Variants in PHF21A observed in about 807,000 individuals in gnomAD.
PHF21A encodes PHD finger protein 21A.
In PHF21A, 11 loss-of-function variants were observed where a neutral mutation model predicts 82.5. The observed-to-expected ratio is 0.13, with a 90% confidence interval of 0.08 to 0.22. The LOEUF (loss-of-function observed/expected upper bound fraction) is 0.22. PHF21A is among the 10% of genes least tolerant of loss of function. The probability of loss-of-function intolerance (pLI) is 1.00; values close to 1 mark genes in which losing one functional copy is unlikely to be tolerated. For synonymous variants in PHF21A, 297 were observed against 302.8 expected, an observed-to-expected ratio of 0.98 and a Z score of 0.20; for missense variants, 579 against 837.8, an observed-to-expected ratio of 0.69 and a Z score of 3.81.
intron 6 of PHF21A, among the ~76,000 whole-genome samples, chr11:46,058,695 T>G (rs2096492802): frequency 6.6e-6 from 1 of 152,220 alleles, no homozygotes; most frequent in Non-Finnish European, 1.5e-5. Context: ...CAGAACTCTT[T>G]TCTCTGACAG....
chr11:46,098,209 ATAAATAAATGGAAG>A (rs2097029425), intron 1 of PHF21A, among the ~76,000 whole-genome samples: 1 of 152,246 alleles, frequency 6.6e-6, no homozygotes, highest in Non-Finnish European at 1.5e-5. Context: ...TAGACTGTAC[ATAAATAAATGGAAG>A]TAATAAAAAT....
intron 6 of PHF21A, among the ~76,000 whole-genome samples, chr11:46,059,205 G>A (rs945316679): frequency 1.3e-5 from 2 of 152,004 alleles, no homozygotes; most frequent in Non-Finnish European, 2.9e-5. Flanking sequence ...TGCAGAGCTA[G>A]GCATACAACA....
Position 46,003,576 on chromosome 11 carries a change from G to A in PHF21A, c.154-23610C>T, listed in dbSNP as rs138180002. 3.9e-5 allele frequency among the ~76,000 whole-genome samples: 6 copies of A among 152,200 alleles called. No individual in the cohort carries two copies. The East Asian group carries it at 1.2e-3, about 29-fold the overall frequency. On this transcript the variant is annotated intron_variant, in intron 6 of 18. Coordinates refer to ENST00000676320, the MANE Select transcript of PHF21A (RefSeq NM_001352027.3). Reference sequence around the variant, plus strand: ...ATAATGATGATGACATTTTCACGAAGGGCAGAGTGAGAAAACGCTACAATT... The same window carrying A: ...ATAATGATGATGACATTTTCACGAAAGGCAGAGTGAGAAAACGCTACAATT...
intron 6 of PHF21A, among the ~76,000 whole-genome samples, chr11:46,028,083 TGGGGA>T (rs1337536850): frequency 1.3e-5 from 2 of 151,714 alleles, no homozygotes; most frequent in Non-Finnish European, 2.9e-5. Context: ...TGGAAATCTC[TGGGGA>T]CAATTTTTTT....
chr11:46,076,456 C>G (rs1309701944), intron 6 of PHF21A, among the ~76,000 whole-genome samples: 1 of 152,182 alleles, frequency 6.6e-6, no homozygotes, highest in Non-Finnish European at 1.5e-5. Flanking sequence ...TTCTCACTAA[C>G]TGCCTTTACC....
chr11:45,960,773 G>A (rs1183992331), intron 10 of PHF21A, among the ~76,000 whole-genome samples: 1 of 152,212 alleles, frequency 6.6e-6, no homozygotes, highest in Non-Finnish European at 1.5e-5. Flanking sequence ...TTTGGTCTCT[G>A]AGATTATAAA....
chr11:46,056,224 T>C (rs1027605038), intron 6 of PHF21A, among the ~76,000 whole-genome samples: 9 of 152,174 alleles, frequency 5.9e-5, no homozygotes, highest in African/African-American at 2.2e-4. Flanking sequence ...AATTTAGCAA[T>C]TTTGTTTTCA....
intron 6 of PHF21A, among the ~76,000 whole-genome samples, chr11:46,009,684 A>T (rs1187377320): frequency 2.0e-5 from 3 of 152,252 alleles, no homozygotes; most frequent in Non-Finnish European, 4.4e-5. Flanking sequence ...AGCAAATAGC[A>T]GAGCCAGAGC....
chr11:46,001,209 T>C (rs1435901324), intron 6 of PHF21A, among the ~76,000 whole-genome samples: 1 of 151,796 alleles, frequency 6.6e-6, no homozygotes, highest in Non-Finnish European at 1.5e-5. Context: ...AAGCCATGTA[T>C]GGTTCTGGTA....
At chr11:46,007,038 C>T (rs1367289808) in intron 6 of PHF21A, among the ~76,000 whole-genome samples, 1 of 152,190 alleles carries the variant, frequency 6.6e-6, no homozygotes, top group East Asian at 1.9e-4. Context: ...CCTGCAAGCT[C>T]GTTTTACAGG....
At chr11:45,943,779 G>C (rs2090820314) in intron 15 of PHF21A, among the ~76,000 whole-genome samples, 1 of 152,108 alleles carries the variant, frequency 6.6e-6, no homozygotes, top group African/African-American at 2.4e-5. Flanking sequence ...ACTATCTTAG[G>C]AGATGAAAGT....
At chr11:46,024,805 A>C (rs1760061482) in intron 6 of PHF21A, among the ~76,000 whole-genome samples, 1 of 152,108 alleles carries the variant, frequency 6.6e-6, no homozygotes, top group Non-Finnish European at 1.5e-5. Flanking sequence ...ATCTCAAAAA[A>C]AAGAAAGAAA....
At chr11:46,011,505 T>G (rs2095413567) in intron 6 of PHF21A, among the ~76,000 whole-genome samples, 1 of 151,556 alleles carries the variant, frequency 6.6e-6, no homozygotes, top group African/African-American at 2.4e-5. Flanking sequence ...AAAAAAAAAG[T>G]GTTCAATGAA....
intron 6 of PHF21A, among the ~76,000 whole-genome samples, chr11:46,038,073 T>C (rs1302821113): frequency 6.6e-6 from 1 of 152,170 alleles, no homozygotes; most frequent in Admixed American, 6.5e-5. Context: ...GCCCATTTTG[T>C]TATCTGCCTC....
Position 45,950,273 on chromosome 11 carries a change from A to G in PHF21A, c.1096-16T>C. 1 of 1,609,830 alleles carries G rather than the reference A, an allele frequency of 6.2e-7. No homozygotes were observed. The highest frequency in any genetic ancestry group is 8.5e-7 in the Non-Finnish European group (1 of 1,176,994). On this transcript the variant is annotated splice_polypyrimidine_tract_variant and intron_variant, in intron 11 of 18. Transcript: ENST00000676320. ...AGGCAAGTTTCTGTGCCAGAGAAACAAAAGAAGAATATGCTTCAGTCTGGG... is the reference window on the plus strand; with the variant it reads ...AGGCAAGTTTCTGTGCCAGAGAAACGAAAGAAGAATATGCTTCAGTCTGGG...
chr11:46,106,436 C>G (rs536585965), intron 1 of PHF21A, among the ~76,000 whole-genome samples: 8 of 152,134 alleles, frequency 5.3e-5, no homozygotes, highest in African/African-American at 1.9e-4. Context: ...GTATCAAGTC[C>G]TGATAAGTTA....
chr11:45,982,024 T>C (rs987420838), intron 6 of PHF21A, among the ~76,000 whole-genome samples: 14 of 148,338 alleles, frequency 9.4e-5, no homozygotes, highest in Non-Finnish European at 1.5e-4. Context: ...CAGCACAATC[T>C]TGGCTCATTG....
At chr11:45,955,335 C>T (rs2092553094) in intron 10 of PHF21A, among the ~76,000 whole-genome samples, 1 of 152,076 alleles carries the variant, frequency 6.6e-6, no homozygotes, top group African/African-American at 2.4e-5. Flanking sequence ...GACACATTTC[C>T]TCCATAAAAC....
intron 11 of PHF21A, among the ~76,000 whole-genome samples, chr11:45,953,118 TTGA>T (rs1463691544): frequency 6.6e-6 from 1 of 152,230 alleles, no homozygotes; most frequent in African/African-American, 2.4e-5. Context: ...ACAACTGCAA[TTGA>T]TAATATAAAT....
Sources: gnomAD v4.1 joint callset for allele counts (sites outside exome capture counted in the v4.1 genomes callset) on GRCh38, gnomAD v4.1.1 for gene constraint, MANE v1.5 for transcripts, NCBI Gene and HGNC (gene_info 2026-07-23, HGNC 2026-07-21) for gene names.